C4orf36: variants seen among roughly 807,000 people sequenced by gnomAD.
C4orf36 encodes chromosome 4 open reading frame 36, also known as uncharacterized protein C4orf36.
In C4orf36, 11 loss-of-function variants were observed where a neutral mutation model predicts 12.2. The ratio of observed to expected loss-of-function variants is 0.90; its 90% confidence interval spans 0.57 to 1.49. C4orf36 has a LOEUF of 1.49. Among genes scored for constraint, C4orf36 ranks in the 40% most tolerant of loss-of-function variants. The pLI is 0.00. For synonymous variants in C4orf36, 54 were observed against 51.3 expected, an observed-to-expected ratio of 1.05 and a Z score of -0.22; for missense variants, 137 against 133.9, an observed-to-expected ratio of 1.02 and a Z score of -0.11.
chr4:86,914,225 G>A, the C4orf36 span: 2 of 1,597,814 alleles, frequency 1.3e-6, no homozygotes, highest in Non-Finnish European at 1.7e-6. Context: ...GGATCACCAG[G>A]GTTGGCTTAC....
chr4:86,894,875 A>G (rs1747556132), upstream of C4orf36, among the ~76,000 whole-genome samples: 1 of 152,208 alleles, frequency 6.6e-6, no homozygotes, highest in Non-Finnish European at 1.5e-5. Flanking sequence ...TCTTGGAAGC[A>G]GATGCTTCAA....
At chr4:86,899,332 GATAAA>G in the C4orf36 span, among the ~76,000 whole-genome samples, 2 of 152,104 alleles carry the variant, frequency 1.3e-5, no homozygotes, top group African/African-American at 2.4e-5. Flanking sequence ...TGAAAAAAGA[GATAAA>G]ATAATGCCAG....
intron 2 of C4orf36, 51 bp from the exon 3 acceptor site, chr4:86,888,326 C>T (rs1747265022): frequency 6.5e-7 from 1 of 1,542,790 alleles, no homozygotes; most frequent in Non-Finnish European, 8.9e-7. Context: ...TAAGCACCTA[C>T]TATGTGAGAT....
the C4orf36 span, among the ~76,000 whole-genome samples, chr4:86,915,570 G>T: frequency 6.6e-6 from 1 of 152,108 alleles, no homozygotes; most frequent in Non-Finnish European, 1.5e-5. Context: ...GATCACCTGA[G>T]GTTGGGAGTT....
At chr4:86,927,213 G>A in the C4orf36 span, among the ~76,000 whole-genome samples, 3 of 152,146 alleles carry the variant, frequency 2.0e-5, no homozygotes, top group African/African-American at 7.2e-5. Flanking sequence ...AAGCTTCAAA[G>A]GACAGATATA....
At chr4:86,893,699 C>T (rs994458418), upstream of C4orf36, among the ~76,000 whole-genome samples, 1 of 151,960 alleles carries the variant, frequency 6.6e-6, no homozygotes, top group Non-Finnish European at 1.5e-5. Flanking sequence ...TTTGTGCCTC[C>T]CAGAAACTGG....
At chr4:86,914,327 G>A in the C4orf36 span, 9 of 1,512,802 alleles carry the variant, frequency 5.9e-6, no homozygotes, top group Non-Finnish European at 8.2e-6. Flanking sequence ...CAATACCTGT[G>A]ATATGTCCGT....
chr4:86,915,547 G>A, the C4orf36 span, among the ~76,000 whole-genome samples: 1 of 152,140 alleles, frequency 6.6e-6, no homozygotes, highest in Admixed American at 6.5e-5. Flanking sequence ...ACTTTGGGAG[G>A]CCGAGGGGGG....
chr4:86,914,772 G>A, the C4orf36 span: 1 of 444,326 alleles, frequency 2.3e-6, no homozygotes, highest in South Asian at 1.8e-5. Flanking sequence ...CCCTGTTCCA[G>A]GCACGATAGG....
the C4orf36 span, among the ~76,000 whole-genome samples, chr4:86,901,277 C>G: frequency 6.6e-6 from 1 of 152,052 alleles, no homozygotes; most frequent in Admixed American, 6.6e-5. Flanking sequence ...CCACTGAGCC[C>G]GGCCAATGGT....
chr4:86,908,159 C>G, the C4orf36 span, among the ~76,000 whole-genome samples: 6 of 130,060 alleles, frequency 4.6e-5, no homozygotes, highest in African/African-American at 1.7e-4. Flanking sequence ...GAGAACTATA[C>G]TTTCAACATA....
the C4orf36 span, chr4:86,914,808 C>A: frequency 2.2e-6 from 1 of 458,784 alleles, no homozygotes. Flanking sequence ...AAAACTGGTG[C>A]AGTGACATTA....
chr4:86,898,881 C>G, the C4orf36 span, among the ~76,000 whole-genome samples: 9 of 152,088 alleles, frequency 5.9e-5, no homozygotes, highest in African/African-American at 2.2e-4. Context: ...GAAATGGAGG[C>G]CAGAACAAGA....
At chr4:86,921,638 AT>A in the C4orf36 span, among the ~76,000 whole-genome samples, 1 of 152,176 alleles carries the variant, frequency 6.6e-6, no homozygotes, top group African/African-American at 2.4e-5. Flanking sequence ...CAGTATTAAA[AT>A]TTTTTAATTT....
At chr4:86,929,446 T>C in the C4orf36 span, among the ~76,000 whole-genome samples, 1 of 152,294 alleles carries the variant, frequency 6.6e-6, no homozygotes, top group Middle Eastern at 3.4e-3. Context: ...TACAGCATGG[T>C]AATTTGCTCC....
chr4:86,897,048 AG>A (rs1428814438), upstream of C4orf36, among the ~76,000 whole-genome samples: 2 of 152,150 alleles, frequency 1.3e-5, no homozygotes, highest in African/African-American at 2.4e-5. Flanking sequence ...AGTACAGTTA[AG>A]GGGGAAAAAT....
chr4:86,933,868 A>G, the C4orf36 span, among the ~76,000 whole-genome samples: 17 of 152,324 alleles, frequency 1.1e-4, no homozygotes, highest in East Asian at 7.7e-4. Flanking sequence ...AGGTAAACCA[A>G]TCTCCCGATG....
chr4:86,931,082 A>G, the C4orf36 span, among the ~76,000 whole-genome samples: 1 of 152,194 alleles, frequency 6.6e-6, no homozygotes, highest in African/African-American at 2.4e-5. Context: ...ATGCCACATG[A>G]TCAAATCAAT....
the C4orf36 span, among the ~76,000 whole-genome samples, chr4:86,933,926 T>C: frequency 6.6e-6 from 1 of 152,184 alleles, no homozygotes. Context: ...AAACAATCCA[T>C]GGGAAATTAA....
Sources: allele counts gnomAD v4.1 joint callset (sites outside exome capture counted in the v4.1 genomes callset), GRCh38; gene constraint gnomAD v4.1.1; transcripts MANE v1.5; gene names NCBI Gene and HGNC (gene_info 2026-07-23, HGNC 2026-07-21).